PUS10: variants seen among roughly 807,000 people sequenced by gnomAD.
The protein encoded by PUS10 is pseudouridine synthase 10, also known as tRNA pseudouridine synthase Pus10.
A neutral mutation model predicts 75.0 loss-of-function variants in PUS10; 59 were observed. The ratio of observed to expected loss-of-function variants is 0.79; its 90% confidence interval spans 0.64 to 0.98. PUS10 has a LOEUF of 0.98. PUS10 is among the 50% of genes least tolerant of loss of function. The probability of loss-of-function intolerance (pLI) is 0.00; values close to 1 mark genes in which losing one functional copy is unlikely to be tolerated. For missense variants in PUS10, 650 were observed against 614.4 expected, an observed-to-expected ratio of 1.06 and a Z score of -0.61; for synonymous variants, 219 against 211.6, an observed-to-expected ratio of 1.03 and a Z score of -0.30.
intron 16 of PUS10, among the ~76,000 whole-genome samples, chr2:60,947,215 TTTG>T (rs1674998693): frequency 6.6e-6 from 1 of 152,204 alleles, no homozygotes; most frequent in African/African-American, 2.4e-5. Flanking sequence ...TCGTTTTGTT[TTTG>T]TTTTTTTTTC....
At chr2:61,015,825 G>A (rs1372738142) in intron 1 of PUS10, among the ~76,000 whole-genome samples, 1 of 152,116 alleles carries the variant, frequency 6.6e-6, no homozygotes, top group East Asian at 1.9e-4. Context: ...GCTGTGAGGG[G>A]CGAATATAAG....
At chr2:61,013,822 C>G (rs1041563850) in intron 1 of PUS10, among the ~76,000 whole-genome samples, 1 of 150,814 alleles carries the variant, frequency 6.6e-6, no homozygotes, top group Non-Finnish European at 1.5e-5. Context: ...GTCAGGAGTT[C>G]AAGACCAGCC....
chr2:60,953,209 T>C (rs758292204), intron 14 of PUS10, 95 bp from the exon 15 acceptor site: 155 of 708,246 alleles, frequency 2.2e-4, no homozygotes, highest in Non-Finnish European at 3.6e-4. Flanking sequence ...AGTTTACATA[T>C]AATTTCCCAG....
At position 60,960,381 on chromosome 2, in the gene PUS10, G is replaced by A. The variant is rs781415285; in HGVS notation, c.1000+11C>T. 1.5e-5 allele frequency: 22 copies of A among 1,480,990 alleles called. No individual in the cohort carries two copies. The highest frequency in any genetic ancestry group is 7.4e-5 in the African/African-American group (5 of 67,548). The allele number at this position is 1,480,990 out of a possible 1,614,324, so 91.7% of individuals were successfully genotyped here. A position where few individuals can be genotyped will look rare whatever the true frequency, so the allele number is the denominator to read the frequency against. On this transcript the variant is annotated intron_variant, in intron 11 of 17. Coordinates refer to ENST00000316752, the MANE Select transcript of PUS10 (RefSeq NM_144709.4). ...AAAAAGAAAGAAAAGTATGAAGATC[G>A]TAACACTTACTCTCTGCTTTAAATA...
intron 11 of PUS10, among the ~76,000 whole-genome samples, chr2:60,956,605 C>T (rs1675667610): frequency 6.6e-6 from 1 of 152,174 alleles, no homozygotes; most frequent in African/African-American, 2.4e-5. Flanking sequence ...GTGTAGAAAG[C>T]TAGGCCCTTG....
intron 4 of PUS10, among the ~76,000 whole-genome samples, chr2:60,975,638 C>T (rs1676987860): frequency 2.1e-5 from 3 of 145,320 alleles, no homozygotes; most frequent in African/African-American, 5.1e-5. Context: ...TAATAGACGA[C>T]TGAGACCTAT....
At chr2:61,010,824 G>A in intron 2 of PUS10, 2 of 1,550,394 alleles carry the variant, frequency 1.3e-6, no homozygotes, top group African/African-American at 1.4e-5. Flanking sequence ...ATCCTAGCTT[G>A]CTCACTTAAT....
At position 61,018,038 on chromosome 2, in the gene PUS10, T is replaced by A; in HGVS notation, c.-46A>T. ...GGGACTTTAGTGTCTCACAGCTGTT[T>A]CTGACCCGGCAGCTCTAATCAGCAA... On this transcript the variant is annotated 5_prime_UTR_variant, in exon 1 of 18. Transcript: ENST00000316752. 6.9e-7 allele frequency: 1 copy of A among 1,445,054 alleles called. No homozygotes were observed. The highest frequency in any genetic ancestry group is 9.2e-7 in the Non-Finnish European group (1 of 1,085,140). 89.5% of individuals were successfully genotyped at this position (1,445,054 alleles called of 1,614,324 possible).
At chr2:60,958,369 C>T (rs1393834231) in intron 11 of PUS10, among the ~76,000 whole-genome samples, 1 of 152,020 alleles carries the variant, frequency 6.6e-6, no homozygotes, top group Non-Finnish European at 1.5e-5. Context: ...TTTTTCCATT[C>T]AGTAAACAAT....
At chr2:60,993,186 G>A (rs1025277166) in intron 4 of PUS10, among the ~76,000 whole-genome samples, 1 of 152,214 alleles carries the variant, frequency 6.6e-6, no homozygotes, top group Non-Finnish European at 1.5e-5. Flanking sequence ...GCCAGGCGCA[G>A]TGGCTCACAC....
chr2:61,010,767 T>C (rs1266537540), intron 2 of PUS10: 5 of 1,549,374 alleles, frequency 3.2e-6, no homozygotes, highest in Non-Finnish European at 4.4e-6. Flanking sequence ...CAAATCCATG[T>C]CTTCTAGTTC....
intron 1 of PUS10, among the ~76,000 whole-genome samples, chr2:61,016,933 C>T (rs1010403737): frequency 4.6e-5 from 7 of 152,154 alleles, no homozygotes; most frequent in Admixed American, 2.0e-4. Context: ...AAACATTCAG[C>T]TCTGGAATCT....
chr2:60,947,978 G>A (rs1178967251), intron 16 of PUS10, 65 bp downstream of exon 16: 3 of 1,572,650 alleles, frequency 1.9e-6, no homozygotes, highest in South Asian at 1.1e-5. Flanking sequence ...TGTTTTCTAG[G>A]GGACCATGAA....
intron 6 of PUS10, chr2:60,965,976 C>G (rs548600930): frequency 6.6e-6 from 1 of 152,026 alleles, no homozygotes; most frequent in African/African-American, 2.4e-5. Flanking sequence ...TGTTTTATTA[C>G]AAAAATTATA....
At chr2:60,982,676 C>T (rs1478249705) in intron 4 of PUS10, among the ~76,000 whole-genome samples, 3 of 152,148 alleles carry the variant, frequency 2.0e-5, no homozygotes, top group Non-Finnish European at 4.4e-5. Flanking sequence ...GAAACAAAAA[C>T]AGATAATTTC....
chr2:60,987,266 AC>A (rs1270232485), intron 4 of PUS10, among the ~76,000 whole-genome samples: 3 of 152,238 alleles, frequency 2.0e-5, no homozygotes, highest in African/African-American at 7.2e-5. Flanking sequence ...ACACCCAGTG[AC>A]AAAATGCAAT....
chr2:60,954,933 CTGAG>C, intron 12 of PUS10, 81 bp downstream of exon 12: 1 of 894,748 alleles, frequency 1.1e-6, no homozygotes, highest in Non-Finnish European at 1.7e-6. Flanking sequence ...TTGTTTTTCA[CTGAG>C]TGACTATGCT....
chr2:60,947,696 G>T (rs1675038450), intron 16 of PUS10, among the ~76,000 whole-genome samples: 1 of 151,786 alleles, frequency 6.6e-6, no homozygotes, highest in African/African-American at 2.4e-5. Context: ...AGGCGTGGTG[G>T]CAGGCGCCTG....
At chr2:60,996,379 A>G (rs1678460680) in intron 4 of PUS10, among the ~76,000 whole-genome samples, 1 of 152,162 alleles carries the variant, frequency 6.6e-6, no homozygotes, top group Non-Finnish European at 1.5e-5. Flanking sequence ...ATCACGTAAC[A>G]GAGTCCTAAA....
Sources: allele counts gnomAD v4.1 joint callset (sites outside exome capture counted in the v4.1 genomes callset), GRCh38; gene constraint gnomAD v4.1.1; transcripts MANE v1.5; gene names NCBI Gene and HGNC (gene_info 2026-07-23, HGNC 2026-07-21).